The following SEPTIN9 variants were observed in gnomAD, a reference collection of about 807,000 sequenced individuals.
The protein encoded by SEPTIN9 is septin 9.
SEPTIN9 carries 13 observed loss-of-function variants against 56.6 expected under a neutral mutation model. The observed-to-expected ratio is 0.23, with a 90% confidence interval of 0.15 to 0.37. SEPTIN9 has a LOEUF of 0.37. Among genes scored for constraint, SEPTIN9 ranks in the 10% least tolerant of loss-of-function variants. The pLI, the probability that SEPTIN9 is intolerant of heterozygous loss-of-function variation, is 1.00. For synonymous variants in SEPTIN9, 332 were observed against 334.1 expected (o/e 0.99, Z 0.07); for missense variants, 650 against 823.1 (o/e 0.79, Z 2.57).
At chr17:77,344,302 A>G (rs1289560572) in intron 2 of SEPTIN9, among the ~76,000 whole-genome samples, 1 of 152,236 alleles carries the variant, frequency 6.6e-6, no homozygotes, top group African/African-American at 2.4e-5. Context: ...TCAAAGCCAC[A>G]ATAAAATATG....
At chr17:77,289,056 A>G (rs1242032709) in intron 1 of SEPTIN9, among the ~76,000 whole-genome samples, 1 of 152,038 alleles carries the variant, frequency 6.6e-6, no homozygotes, top group Non-Finnish European at 1.5e-5. Context: ...AACTGCCGGG[A>G]CTTTGTATTA....
intron 2 of SEPTIN9, among the ~76,000 whole-genome samples, chr17:77,336,998 GTT>G (rs61414789): frequency 1.5e-3 from 195 of 128,482 alleles, no homozygotes; most frequent in Middle Eastern, 8.2e-3. Flanking sequence ...TTTGCCCCCC[GTT>G]TTTTTTTTTT....
chr17:77,382,007 C>T (rs1323501928), intron 2 of SEPTIN9, among the ~76,000 whole-genome samples: 2 of 152,010 alleles, frequency 1.3e-5, no homozygotes, highest in Non-Finnish European at 2.9e-5. Flanking sequence ...TTGCCATTTT[C>T]CTTTTCTTTT....
intron 11 of SEPTIN9, among the ~76,000 whole-genome samples, chr17:77,497,928 G>T (rs1460645093): frequency 6.6e-6 from 1 of 151,804 alleles, no homozygotes; most frequent in Admixed American, 6.6e-5. Context: ...CTCCAGGTTG[G>T]CGGGGGCAGG....
intron 2 of SEPTIN9, among the ~76,000 whole-genome samples, chr17:77,362,446 G>A (rs74894972): frequency 0.037 from 5,668 of 152,372 alleles, 263 homozygotes; most frequent in Admixed American, 0.13. Context: ...AGGGAGGTCT[G>A]CTGCCGGTCT....
At chr17:77,391,010 A>C (rs1469849079) in intron 2 of SEPTIN9, among the ~76,000 whole-genome samples, 1 of 152,178 alleles carries the variant, frequency 6.6e-6, no homozygotes, top group Non-Finnish European at 1.5e-5. Flanking sequence ...GGCTGATGGG[A>C]CCGAGCAGGA....
Position 77,487,919 on chromosome 17 carries a change from G to A in SEPTIN9, c.1043-321G>A, listed in dbSNP as rs414893. On this transcript the variant is annotated intron_variant, in intron 5 of 11. Transcript: ENST00000427177. This position sits in a 1 kb window ranked among gnomAD's most constrained non-coding sequence, Gnocchi z 4.3. ...TCCCAGGTCCCCAAGACGGGGACTC[G>A]CTGTGCCCACCATCCCCAGCATGTT... is the stretch of plus-strand genomic sequence containing the variant. Among the ~76,000 whole-genome samples, 79,488 of 151,934 alleles carry A rather than the reference G, an allele frequency of 0.52. 21,375 individuals are homozygous for A. The highest frequency in any genetic ancestry group is 0.66 in the Middle Eastern group (195 of 294).
At chr17:77,491,119 G>T (rs1247284001) in intron 8 of SEPTIN9, among the ~76,000 whole-genome samples, 1 of 152,182 alleles carries the variant, frequency 6.6e-6, no homozygotes, top group East Asian at 1.9e-4. Context: ...TCTCTGAGGG[G>T]GGTTTTGGAG....
chr17:77,330,347 C>T lies in SEPTIN9; in HGVS notation c.76+23150C>T, dbSNP rs185479182. Among the ~76,000 whole-genome samples, 2 of 152,280 alleles carry T rather than the reference C, an allele frequency of 1.3e-5. No individual in the cohort carries two copies. The highest frequency in any genetic ancestry group is 1.3e-4 in the Admixed American group (2 of 15,306). ...CAATTCACGTGCTGGCTGTGGCCCTCAAGGTGTGGATGGCAGGAGGTGGTG... is the reference window on the plus strand; with the variant it reads ...CAATTCACGTGCTGGCTGTGGCCCTTAAGGTGTGGATGGCAGGAGGTGGTG... On this transcript the variant is annotated intron_variant, in intron 2 of 11. Transcript: ENST00000427177. The surrounding 1 kb of genome is among the most constrained non-coding windows in gnomAD (Gnocchi z 4.4).
chr17:77,386,005 C>A (rs998427048), intron 2 of SEPTIN9, among the ~76,000 whole-genome samples: 1 of 152,174 alleles, frequency 6.6e-6, no homozygotes, highest in Non-Finnish European at 1.5e-5. Flanking sequence ...CGGTCCAGCC[C>A]TTCCTGTTCC....
chr17:77,305,853 C>T (rs974843129), intron 1 of SEPTIN9, among the ~76,000 whole-genome samples: 4 of 126,646 alleles, frequency 3.2e-5, no homozygotes, highest in Admixed American at 9.6e-5. Flanking sequence ...CATCTGGTCA[C>T]AGTTTAGGAG....
chr17:77,475,477 G>A lies in SEPTIN9; in HGVS notation c.722-6667G>A, dbSNP rs189609913. On this transcript the variant is annotated intron_variant, in intron 3 of 11. Transcript: ENST00000427177. This position sits in a 1 kb window ranked among gnomAD's most constrained non-coding sequence, Gnocchi z 4.6. Reference sequence around the variant, plus strand: ...AGCTTTAAGAAGCCCCTTTGTGGGGGACAGGGAGCATCTGTTAGTTTATAG... The same window carrying A: ...AGCTTTAAGAAGCCCCTTTGTGGGGAACAGGGAGCATCTGTTAGTTTATAG... 1 of 1,587,640 alleles carries A rather than the reference G, an allele frequency of 6.3e-7. No homozygotes were observed. Among genetic ancestry groups the A allele is most frequent in the Non-Finnish European group, 8.6e-7 (1 of 1,168,188 alleles).
At chr17:77,397,521 G>T (rs1162693133) in intron 2 of SEPTIN9, among the ~76,000 whole-genome samples, 1 of 152,104 alleles carries the variant, frequency 6.6e-6, no homozygotes, top group Non-Finnish European at 1.5e-5. Context: ...CTTTTTGGGG[G>T]TCACTAGTCA....
Position 77,392,480 on chromosome 17 carries a change from A to G in SEPTIN9, c.77-9579A>G, listed in dbSNP as rs1304686273. 2.0e-5 allele frequency among the ~76,000 whole-genome samples: 3 copies of G among 152,306 alleles called. No homozygotes were observed. The East Asian group carries it at 5.8e-4, about 29-fold the overall frequency. ...CAGAGGTACTGTGGATGATGACCCCAGGTCCCAGACCTCAGTCATTGGGCC... is the reference window on the plus strand; with the variant it reads ...CAGAGGTACTGTGGATGATGACCCCGGGTCCCAGACCTCAGTCATTGGGCC... On this transcript the variant is annotated intron_variant, in intron 2 of 11. Transcript: ENST00000427177.
At chr17:77,339,849 A>G (rs977163068) in intron 2 of SEPTIN9, among the ~76,000 whole-genome samples, 2 of 150,790 alleles carry the variant, frequency 1.3e-5, no homozygotes, top group Non-Finnish European at 3.0e-5. Flanking sequence ...TAATTGAGAC[A>G]GAGTCTCGCT....
At chr17:77,290,292 C>G (rs1261314617) in intron 1 of SEPTIN9, among the ~76,000 whole-genome samples, 11 of 147,928 alleles carry the variant, frequency 7.4e-5, no homozygotes, top group Admixed American at 2.7e-4. Flanking sequence ...GAGTCTCGCT[C>G]TGTTGCCCAG....
intron 1 of SEPTIN9, among the ~76,000 whole-genome samples, chr17:77,298,514 G>A (rs1476746661): frequency 6.6e-6 from 1 of 152,262 alleles, no homozygotes; most frequent in Non-Finnish European, 1.5e-5. Context: ...CTCAGCTGCA[G>A]TGATGAACTG....
chr17:77,496,869 C>G (rs781387959), intron 10 of SEPTIN9, among the ~76,000 whole-genome samples: 9 of 152,234 alleles, frequency 5.9e-5, no homozygotes, highest in Non-Finnish European at 1.0e-4. Context: ...TTTAAAATCC[C>G]AGCTCCGATT....
rs185510578 is a variant in SEPTIN9, at chr17:77,369,685, C to T, written c.77-32374C>T. ...GAAGTCTCTGTCTATGAGGACACAG[C>T]CTGCCACCTAATGGGGTGTCCCGTC... On this transcript the variant is annotated intron_variant, in intron 2 of 11. Transcript: ENST00000427177. The surrounding 1 kb of genome is among the most constrained non-coding windows in gnomAD (Gnocchi z 4.9). 1.2e-3 allele frequency among the ~76,000 whole-genome samples: 190 copies of T among 152,308 alleles called. No homozygotes were observed. Among genetic ancestry groups the T allele is most frequent in the African/African-American group, 4.0e-3 (168 of 41,562 alleles).
Sources: gnomAD v4.1 joint callset for allele counts (sites outside exome capture counted in the v4.1 genomes callset) on GRCh38, gnomAD v4.1.1 for gene constraint, Gnocchi (gnomAD v3.1) non-coding constraint, MANE v1.5 for transcripts, NCBI Gene and HGNC (gene_info 2026-07-23, HGNC 2026-07-21) for gene names.